Variants in MACROD2 observed in about 807,000 individuals in gnomAD.
The protein encoded by MACROD2 is ADP-ribose glycohydrolase MACROD2.
A neutral mutation model predicts 70.4 loss-of-function variants in MACROD2; 36 were observed. The observed-to-expected ratio is 0.51, with a 90% confidence interval of 0.39 to 0.68. The LOEUF (loss-of-function observed/expected upper bound fraction) is 0.68. Ranked by LOEUF, MACROD2 falls within the 30% of genes least tolerant of loss-of-function variation. The pLI, the probability that MACROD2 is intolerant of heterozygous loss-of-function variation, is 0.00. For missense variants in MACROD2, 496 were observed against 538.4 expected, an observed-to-expected ratio of 0.92 and a Z score of 0.78; for synonymous variants, 172 against 178.8, an observed-to-expected ratio of 0.96 and a Z score of 0.30.
At chr20:14,440,815 G>C (rs1055239574) in intron 3 of MACROD2, among the ~76,000 whole-genome samples, 1 of 152,158 alleles carries the variant, frequency 6.6e-6, no homozygotes. Context: ...CGGGGCATGA[G>C]TAGAGGACCA....
chr20:14,288,278 TA>T (rs1462492662), intron 3 of MACROD2, among the ~76,000 whole-genome samples: 1 of 152,170 alleles, frequency 6.6e-6, no homozygotes, highest in Non-Finnish European at 1.5e-5. Flanking sequence ...GTTTCCCTCG[TA>T]GCTAGGTATG....
chr20:14,632,454 A>G (rs1310318106), intron 4 of MACROD2, among the ~76,000 whole-genome samples: 2 of 152,156 alleles, frequency 1.3e-5, no homozygotes, highest in East Asian at 1.9e-4. Flanking sequence ...TCATGCAGCA[A>G]ACATAATATT....
At chr20:14,109,090 A>G (rs967196935) in intron 3 of MACROD2, among the ~76,000 whole-genome samples, 2 of 152,100 alleles carry the variant, frequency 1.3e-5, no homozygotes, top group African/African-American at 4.8e-5. Flanking sequence ...ATGGAATAAA[A>G]CTAGAAATCA....
At chr20:14,626,525 T>G (rs1984174956) in intron 4 of MACROD2, among the ~76,000 whole-genome samples, 1 of 152,058 alleles carries the variant, frequency 6.6e-6, no homozygotes, top group South Asian at 2.1e-4. Context: ...GCTTTCCACT[T>G]TTAGATATTT....
intron 5 of MACROD2, among the ~76,000 whole-genome samples, chr20:15,061,366 C>T (rs914896072): frequency 3.3e-5 from 5 of 152,176 alleles, no homozygotes; most frequent in African/African-American, 1.2e-4. Flanking sequence ...TGGCATCACT[C>T]AATAACAATA....
chr20:15,414,032 T>C (rs1204886554), intron 6 of MACROD2, among the ~76,000 whole-genome samples: 2 of 152,178 alleles, frequency 1.3e-5, no homozygotes, highest in African/African-American at 2.4e-5. Context: ...GGAGGCACCA[T>C]AGAGCAGCTG....
At chr20:14,855,840 G>T (rs1413022415) in intron 5 of MACROD2, among the ~76,000 whole-genome samples, 1 of 151,878 alleles carries the variant, frequency 6.6e-6, no homozygotes, top group Non-Finnish European at 1.5e-5. Context: ...TAGATTAGTT[G>T]TAGGCATCTA....
intron 12 of MACROD2, among the ~76,000 whole-genome samples, chr20:15,953,003 A>G (rs2065927246): frequency 6.6e-6 from 1 of 152,158 alleles, no homozygotes; most frequent in Non-Finnish European, 1.5e-5. Flanking sequence ...TGCTCATGAT[A>G]AACATACACA....
intron 6 of MACROD2, among the ~76,000 whole-genome samples, chr20:15,315,321 G>A (rs1415209572): frequency 1.3e-5 from 2 of 152,118 alleles, no homozygotes; most frequent in Non-Finnish European, 2.9e-5. Context: ...TTGGTAAGAT[G>A]TAAAAATCCA....
intron 6 of MACROD2, among the ~76,000 whole-genome samples, chr20:15,363,627 A>G (rs2146249278): frequency 6.6e-6 from 1 of 152,250 alleles, no homozygotes; most frequent in South Asian, 2.1e-4. Flanking sequence ...TTCTGCAGGC[A>G]AACGTTGCCT....
At chr20:15,381,520 G>T (rs2045644200) in intron 6 of MACROD2, among the ~76,000 whole-genome samples, 1 of 151,978 alleles carries the variant, frequency 6.6e-6, no homozygotes, top group Non-Finnish European at 1.5e-5. Flanking sequence ...ACAAAAATTA[G>T]CTGAGTGTGA....
chr20:14,076,149 C>T (rs555591563), intron 2 of MACROD2, among the ~76,000 whole-genome samples: 5 of 152,138 alleles, frequency 3.3e-5, no homozygotes, highest in Non-Finnish European at 5.9e-5. Context: ...GATCTGTTTG[C>T]GGCTATCTGC....
intron 8 of MACROD2, among the ~76,000 whole-genome samples, chr20:15,785,343 T>C (rs2051907473): frequency 6.6e-6 from 1 of 152,010 alleles, no homozygotes; most frequent in Non-Finnish European, 1.5e-5. Flanking sequence ...GCAGTCCAGA[T>C]GGATTCATGG....
chr20:15,159,396 A>G (rs2076331815), intron 5 of MACROD2, among the ~76,000 whole-genome samples: 1 of 152,042 alleles, frequency 6.6e-6, no homozygotes, highest in Non-Finnish European at 1.5e-5. Context: ...GAGTTCAATC[A>G]AGACTCTTGG....
At position 14,647,161 on chromosome 20, in the gene MACROD2, A is replaced by G. The variant is rs566777669; in HGVS notation, c.302-37682A>G. Among the ~76,000 whole-genome samples, 9 of 152,270 alleles carry G rather than the reference A, an allele frequency of 5.9e-5. No individual in the cohort carries two copies. In the South Asian group the frequency reaches 1.2e-3, roughly 21 times the overall value. ...GGCCTTGGTTGTACAGCAAGCAGCTACTAATTCAGGAGGATTTATTTGGCT... is the reference window on the plus strand; with the variant it reads ...GGCCTTGGTTGTACAGCAAGCAGCTGCTAATTCAGGAGGATTTATTTGGCT... On this transcript the variant is annotated intron_variant, in intron 4 of 17. Coordinates refer to ENST00000684519, the MANE Select transcript of MACROD2 (RefSeq NM_001351661.2).
At chr20:15,738,839 T>C (rs1458457691) in intron 8 of MACROD2, among the ~76,000 whole-genome samples, 1 of 152,124 alleles carries the variant, frequency 6.6e-6, no homozygotes, top group East Asian at 1.9e-4. Context: ...ACAGATGTTC[T>C]GTCGGGGAGG....
chr20:15,230,782 A>G (rs2076953153), intron 6 of MACROD2, among the ~76,000 whole-genome samples: 1 of 152,058 alleles, frequency 6.6e-6, no homozygotes. Flanking sequence ...CTTTTGCAAC[A>G]TGTTCTACCT....
intron 3 of MACROD2, among the ~76,000 whole-genome samples, chr20:14,267,095 T>A (rs1222911294): frequency 6.6e-6 from 1 of 152,160 alleles, no homozygotes; most frequent in African/African-American, 2.4e-5. Flanking sequence ...GATACTACAT[T>A]AGATTATCAC....
At chr20:14,932,741 T>C (rs896782341) in intron 5 of MACROD2, among the ~76,000 whole-genome samples, 3 of 151,996 alleles carry the variant, frequency 2.0e-5, no homozygotes, top group Non-Finnish European at 4.4e-5. Flanking sequence ...CTAATTTTTG[T>C]ATTTTTAGTA....
Sources: allele counts gnomAD v4.1 joint callset (sites outside exome capture counted in the v4.1 genomes callset), GRCh38; gene constraint gnomAD v4.1.1; transcripts MANE v1.5; gene names NCBI Gene and HGNC (gene_info 2026-07-23, HGNC 2026-07-21).